PREP: variants seen among roughly 807,000 people sequenced by gnomAD.
PREP encodes dJ355L5.1 (prolyl endopeptidase).
In PREP, 29 loss-of-function variants were observed where a neutral mutation model predicts 87.6. The observed-to-expected ratio is 0.33, with a 90% CI of 0.25 to 0.45. The LOEUF is 0.45. Among genes scored for constraint, PREP ranks in the 20% least tolerant of loss-of-function variants. The pLI is 1.00. For synonymous variants in PREP, 337 were observed against 328.6 expected, an observed-to-expected ratio of 1.03 and a Z score of -0.28; for missense variants, 695 against 886.5, an observed-to-expected ratio of 0.78 and a Z score of 2.74.
chr6:105,305,645 T>C (rs1770639457), intron 10 of PREP, among the ~76,000 whole-genome samples: 1 of 152,104 alleles, frequency 6.6e-6, no homozygotes, highest in Non-Finnish European at 1.5e-5. Context: ...TGAACTTGGC[T>C]GTGTGAAATG....
At position 105,278,882 on chromosome 6, in the gene PREP, A is replaced by ACAT. The variant is rs1770008174; in HGVS notation, c.1839-447_1839-445dup. Reference sequence around the variant, plus strand: ...AAAGGGGCTTGCTGCCCCTTTAATAACATCTATAAAGCCTTTATTCCAGGC... The same window carrying ACAT: ...AAAGGGGCTTGCTGCCCCTTTAATAACATCATCTATAAAGCCTTTATTCCAGGC... On this transcript the variant is annotated intron_variant, in intron 14 of 14. Transcript: ENST00000652536. This position sits in a 1 kb window ranked among gnomAD's most constrained non-coding sequence, Gnocchi z 4.2. 1 of 156,540 alleles carries ACAT rather than the reference A, an allele frequency of 6.4e-6. No homozygotes were observed. Among genetic ancestry groups the ACAT allele is most frequent in the South Asian group, 2.0e-4 (1 of 5,098 alleles). 9.7% of individuals were successfully genotyped at this position (156,540 alleles called of 1,614,324 possible).
At chr6:105,343,157 T>G (rs1443366675) in intron 7 of PREP, among the ~76,000 whole-genome samples, 6 of 152,204 alleles carry the variant, frequency 3.9e-5, no homozygotes, top group Non-Finnish European at 8.8e-5. Context: ...CAAAACAGCA[T>G]GGTACTGGTA....
intron 9 of PREP, among the ~76,000 whole-genome samples, chr6:105,325,360 G>C (rs1436620555): frequency 1.3e-5 from 2 of 152,342 alleles, no homozygotes; most frequent in South Asian, 2.1e-4. Context: ...AAAGTTGCTA[G>C]CTCAGTGACC....
At chr6:105,341,607 T>C (rs1485920219) in intron 7 of PREP, among the ~76,000 whole-genome samples, 2 of 152,202 alleles carry the variant, frequency 1.3e-5, no homozygotes, top group Non-Finnish European at 2.9e-5. Context: ...GGAACTCGTT[T>C]TTTGAAAAGA....
At chr6:105,367,933 C>T (rs1772433129) in intron 6 of PREP, among the ~76,000 whole-genome samples, 1 of 145,710 alleles carries the variant, frequency 6.9e-6, no homozygotes, top group Admixed American at 6.6e-5. Flanking sequence ...CCAGATCCAG[C>T]CCAGTGGCAG....
chr6:105,397,987 T>A (rs1364437221), intron 1 of PREP, 60 bp from the exon 2 acceptor site: 4 of 1,281,968 alleles, frequency 3.1e-6, no homozygotes, highest in Non-Finnish European at 3.4e-6. Flanking sequence ...AAAACTGGTA[T>A]TTTTTTAATG....
intron 10 of PREP, among the ~76,000 whole-genome samples, chr6:105,312,487 A>G (rs2114635640): frequency 6.6e-6 from 1 of 152,372 alleles, no homozygotes; most frequent in South Asian, 2.1e-4. Flanking sequence ...ACAGTGTTTT[A>G]TATCAATTTC....
chr6:105,402,418 TCA>T (rs36086068), intron 1 of PREP, among the ~76,000 whole-genome samples: 6,094 of 146,362 alleles, frequency 0.042, 139 homozygotes, highest in African/African-American at 0.078. Context: ...AAATGTGACA[TCA>T]CACACACACA....
At chr6:105,314,580 T>C (rs917834580) in intron 10 of PREP, among the ~76,000 whole-genome samples, 55 of 152,288 alleles carry the variant, frequency 3.6e-4, no homozygotes, top group African/African-American at 1.1e-3. Flanking sequence ...TCCTCATCCA[T>C]TCAAATTTGG....
rs2114606212 is a variant in PREP, at chr6:105,277,020, G to A, written c.*1124C>T. Among the ~76,000 whole-genome samples, 1 of 152,134 alleles carries A rather than the reference G, an allele frequency of 6.6e-6. No homozygotes were observed. The highest frequency in any genetic ancestry group is 1.5e-5 in the Non-Finnish European group (1 of 67,998). ...GACAAAGGAAAAAAAACTGTTTTAA[G>A]TTAGATCAGCATTTCCCAAACTGAT... On this transcript the variant is annotated 3_prime_UTR_variant, in exon 15 of 15. Transcript: ENST00000652536.
chr6:105,355,037 T>C lies in PREP; in HGVS notation c.718-1960A>G, dbSNP rs566454516. Among the ~76,000 whole-genome samples the C allele has an allele frequency of 2.6e-5, 4 of 151,434 alleles. No homozygotes were observed. In the East Asian group the frequency reaches 7.7e-4, roughly 29 times the overall value. ...ATGTAGTATATTATGATAAATGCCATGGAAAACATGAACAGGTCTGAGTAA... is the reference window on the plus strand; with the variant it reads ...ATGTAGTATATTATGATAAATGCCACGGAAAACATGAACAGGTCTGAGTAA... On this transcript the variant is annotated intron_variant, in intron 6 of 14. Coordinates refer to ENST00000652536, the MANE Select transcript of PREP (RefSeq NM_002726.5).
At chr6:105,374,545 G>T (rs1772636599) in intron 4 of PREP, among the ~76,000 whole-genome samples, 1 of 150,310 alleles carries the variant, frequency 6.7e-6, no homozygotes, top group Non-Finnish European at 1.5e-5. Context: ...TCATATGTAT[G>T]TAAATGCAGA....
At chr6:105,330,546 G>A (rs1307733107) in intron 8 of PREP, among the ~76,000 whole-genome samples, 1 of 152,148 alleles carries the variant, frequency 6.6e-6, no homozygotes, top group Non-Finnish European at 1.5e-5. Context: ...GGCAAGCACA[G>A]AGGTCTGCCT....
intron 6 of PREP, 46 bp downstream of exon 6, chr6:105,368,857 C>T (rs1011912948): frequency 2.5e-6 from 4 of 1,604,674 alleles, no homozygotes; most frequent in Non-Finnish European, 2.6e-6. Flanking sequence ...TACACACATC[C>T]ATGAAACACA....
Position 105,278,025 on chromosome 6 carries a change from C to G in PREP, c.*119G>C. On this transcript the variant is annotated 3_prime_UTR_variant, in exon 15 of 15. Coordinates refer to ENST00000652536, the MANE Select transcript of PREP (RefSeq NM_002726.5). This position sits in a 1 kb window ranked among gnomAD's most constrained non-coding sequence, Gnocchi z 4.2. ...CCACGGCAGTTCTGTTCAACTGTAG[C>G]CTGTGAGTGCAGGAATAATGTTCCC... The G allele has an allele frequency of 7.6e-7, 1 of 1,312,368 alleles. No individual in the cohort carries two copies. The highest frequency in any genetic ancestry group is 1.1e-6 in the Non-Finnish European group (1 of 948,480). 81.3% of individuals were successfully genotyped at this position (1,312,368 alleles called of 1,614,324 possible). A position where few individuals can be genotyped will look rare whatever the true frequency, so the allele number is the denominator to read the frequency against.
Position 105,373,486 on chromosome 6 carries a change from C to G in PREP, c.478G>C (p.Gly160Arg), listed in dbSNP as rs763405650. 1 of 1,614,186 alleles carries G rather than the reference C, an allele frequency of 6.2e-7. No homozygotes were observed. The highest frequency in any genetic ancestry group is 1.1e-5 in the South Asian group (1 of 91,082). The part of the protein sequence containing the change: ...WVTIKFMKVD[G>R]AKELPDVLER... ...AGCACATCTGGAAGCTCTTTGGCAC[C>G]ATCAACTTTCATGAACTTGATTGTC... The change falls in exon 5 of 15, where the codon GGT becomes CGT. Residue 160 changes from glycine (G) to arginine (R), a missense_variant. Physicochemically the swap from Gly to Arg is moderately radical, Grantham distance 125. This residue lies in a region of PREP where 517 missense variants were observed against 620.3 expected (regional missense o/e 0.83). Coordinates refer to ENST00000652536, the MANE Select transcript of PREP (RefSeq NM_002726.5).
At chr6:105,328,747 G>T in intron 9 of PREP, 82 bp downstream of exon 9, 2 of 1,422,478 alleles carry the variant, frequency 1.4e-6, no homozygotes, top group Non-Finnish European at 2.0e-6. Context: ...CAATAACATA[G>T]CATTATACTT....
In PREP at chr6:105,278,157, T is replaced by C; in HGVS notation, c.2120A>G (p.Asp707Gly). The change falls in exon 15 of 15, where the codon GAC (aspartate) becomes GGC (glycine). Residue 707 changes from aspartate (D) to glycine (G), a missense_variant. Coordinates refer to ENST00000652536, the MANE Select transcript of PREP (RefSeq NM_002726.5). The surrounding 1 kb of genome is among the most constrained non-coding windows in gnomAD (Gnocchi z 4.2). Reference sequence around the variant, plus strand: ...CACGAAAACTGTTTATGGAATCCAGTCGACGTTCAGGCACCGCGCGATGAA... The same window carrying C: ...CACGAAAACTGTTTATGGAATCCAGCCGACGTTCAGGCACCGCGCGATGAA... ...FAFIARCLNV[D>G]WIP is the part of the protein sequence containing the mutation. 1 of 1,609,586 alleles carries C rather than the reference T, an allele frequency of 6.2e-7. No homozygotes were observed. The highest frequency in any genetic ancestry group is 8.5e-7 in the Non-Finnish European group (1 of 1,176,514).
intron 5 of PREP, among the ~76,000 whole-genome samples, chr6:105,370,302 C>CAAAA (rs71549435): frequency 2.6e-5 from 2 of 78,000 alleles, no homozygotes; most frequent in African/African-American, 4.3e-5. Context: ...GACTCCATCT[C>CAAAA]AAAAAAAAAA....
Sources: gnomAD v4.1 joint callset for allele counts (sites outside exome capture counted in the v4.1 genomes callset) on GRCh38, gnomAD v4.1.1 for gene constraint, gnomAD v4.1.1 regional missense constraint, Gnocchi (gnomAD v3.1) non-coding constraint, MANE v1.5 for transcripts, NCBI Gene and HGNC (gene_info 2026-07-23, HGNC 2026-07-21) for gene names.